Variants in MYO16 observed in about 807,000 individuals in gnomAD.
MYO16 encodes myosin XVI.
Under a neutral mutation model 205.3 loss-of-function variants are expected in MYO16, and 94 were observed. That is an observed-to-expected ratio of 0.46 (90% confidence interval 0.39 to 0.54). The LOEUF is 0.54. Among genes scored for constraint, MYO16 ranks in the 20% least tolerant of loss-of-function variants. MYO16 has a pLI of 0.00. For synonymous variants in MYO16, 988 were observed against 954.0 expected (o/e 1.04, Z -0.66); for missense variants, 2,315 against 2,387.5 (o/e 0.97, Z 0.63).
intron 16 of MYO16, among the ~76,000 whole-genome samples, chr13:108,938,561 T>C (rs916251693): frequency 6.6e-6 from 1 of 152,204 alleles, no homozygotes; most frequent in Non-Finnish European, 1.5e-5. Context: ...TGCAGAGAGA[T>C]GTGGGGGTGG....
At chr13:108,683,687 T>G (rs1882556276) in intron 2 of MYO16, among the ~76,000 whole-genome samples, 1 of 152,224 alleles carries the variant, frequency 6.6e-6, no homozygotes. Flanking sequence ...ATTACCTTCT[T>G]GTTCTAATAA....
At chr13:108,639,822 T>C (rs1880420939) in intron 1 of MYO16, among the ~76,000 whole-genome samples, 1 of 152,160 alleles carries the variant, frequency 6.6e-6, no homozygotes, top group Non-Finnish European at 1.5e-5. Flanking sequence ...ACTGGATGAA[T>C]TTGAAAAAGA....
At chr13:108,591,652 A>G (rs1878403652), upstream of MYO16, among the ~76,000 whole-genome samples, 3 of 152,182 alleles carry the variant, frequency 2.0e-5, no homozygotes, top group Admixed American at 2.0e-4. Flanking sequence ...AAAAAAAAGT[A>G]TTTGAAATGG....
rs375251733 is a variant in MYO16, at chr13:109,046,978, A to G, written c.2859A>G (p.Leu953=). Residue 953 remains leucine (L), a synonymous_variant, in exon 24 of 35, where the codon CTA becomes CTG. Transcript: ENST00000457511. ...AAGACTCCCTTTCACAGAATCTTCT[A>G]TTTGTAATGAAAAGTAAGTTGATTT... ...KNKDSLSQNL[L]FVMKTSENVV... 16 of 1,609,772 alleles carry G rather than the reference A, an allele frequency of 9.9e-6. 1 individual carries two copies. In the East Asian group the frequency reaches 2.2e-4, roughly 22 times the overall value.
Position 108,639,869 on chromosome 13 carries a change from C to T in MYO16, c.28+9997C>T, listed in dbSNP as rs75320216. Among the ~76,000 whole-genome samples the T allele has an allele frequency of 7.3e-3, 1,110 of 152,212 alleles. 39 individuals carry two copies. The highest frequency in any genetic ancestry group is 4.6e-3 in the East Asian group (24 of 5,168). The stretch of plus-strand genomic sequence containing the variant: ...GGACCTTAAGGCCTTGGGACGACTT[C>T]GGCATTGTGGAGTATACGATAAATG... On this transcript the variant is annotated intron_variant, in intron 1 of 34. Transcript: ENST00000457511.
At chr13:108,897,202 G>A (rs1160985014) in intron 14 of MYO16, among the ~76,000 whole-genome samples, 1 of 152,104 alleles carries the variant, frequency 6.6e-6, no homozygotes, top group Non-Finnish European at 1.5e-5. Flanking sequence ...AGATACCCTT[G>A]AACCCTCCAG....
intron 1 of MYO16, among the ~76,000 whole-genome samples, chr13:108,662,950 A>G (rs1196273299): frequency 1.3e-5 from 2 of 151,996 alleles, no homozygotes; most frequent in African/African-American, 4.8e-5. Flanking sequence ...CTACCCATGT[A>G]TTTTGCTCAG....
intron 14 of MYO16, among the ~76,000 whole-genome samples, chr13:108,895,218 A>G (rs772619125): frequency 3.3e-5 from 5 of 151,570 alleles, no homozygotes; most frequent in Admixed American, 6.6e-5. Flanking sequence ...ACAAAAAAAA[A>G]GTCAATAAAA....
chr13:108,788,013 G>A (rs1303066091), intron 5 of MYO16, among the ~76,000 whole-genome samples: 6 of 152,098 alleles, frequency 3.9e-5, no homozygotes, highest in Admixed American at 2.6e-4. Context: ...ATGGGCTGAT[G>A]TCTTTAGAAA....
intron 4 of MYO16, among the ~76,000 whole-genome samples, chr13:108,771,136 G>A (rs1387858137): frequency 6.6e-6 from 1 of 152,126 alleles, no homozygotes; most frequent in African/African-American, 2.4e-5. Flanking sequence ...AGTGGGGAGA[G>A]GTAGGGCGTA....
chr13:108,944,652 G>T (rs576734570), intron 16 of MYO16, among the ~76,000 whole-genome samples: 22 of 152,116 alleles, frequency 1.4e-4, no homozygotes, highest in Middle Eastern at 6.3e-3. Context: ...TAGTATGAGA[G>T]CGATTACTAA....
chr13:108,968,834 A>G (rs771350964), intron 20 of MYO16, among the ~76,000 whole-genome samples: 1 of 152,176 alleles, frequency 6.6e-6, no homozygotes, highest in Non-Finnish European at 1.5e-5. Context: ...AGCAGAGGCC[A>G]TGACGTGCTC....
the MYO16 span, among the ~76,000 whole-genome samples, chr13:108,525,808 G>A: frequency 3.3e-5 from 5 of 152,158 alleles, no homozygotes; most frequent in Non-Finnish European, 7.3e-5. Flanking sequence ...TGAATGTATT[G>A]CACTTAACTC....
chr13:108,845,243 A>G lies in MYO16; in HGVS notation c.1248+750A>G, dbSNP rs185186721. On this transcript the variant is annotated intron_variant, in intron 10 of 34. Transcript: ENST00000457511. Reference sequence around the variant, plus strand: ...AACTTTATTAATTTTTGTTATTTCAAGTAACTAAAGCAGATAAACAAAACA... The same window carrying G: ...AACTTTATTAATTTTTGTTATTTCAGGTAACTAAAGCAGATAAACAAAACA... 2.6e-5 allele frequency among the ~76,000 whole-genome samples: 4 copies of G among 152,306 alleles called. No homozygotes were observed. The South Asian group carries it at 8.3e-4, about 32-fold the overall frequency.
intron 27 of MYO16, among the ~76,000 whole-genome samples, chr13:109,097,953 TAAG>T (rs1888831135): frequency 7.7e-6 from 1 of 130,242 alleles, no homozygotes; most frequent in South Asian, 2.5e-4. Flanking sequence ...AGAAAGGAAA[TAAG>T]AAATGTCTTC....
At chr13:108,581,834 A>G in the MYO16 span, among the ~76,000 whole-genome samples, 3,977 of 150,448 alleles carry the variant, frequency 0.026, 171 homozygotes, top group African/African-American at 0.09. Context: ...AGCTGAGATC[A>G]TGCCGTTGCA....
At chr13:109,119,475 C>T (rs1053342276) in intron 28 of MYO16, among the ~76,000 whole-genome samples, 1 of 152,218 alleles carries the variant, frequency 6.6e-6, no homozygotes, top group African/African-American at 2.4e-5. Context: ...CCTGCAATTA[C>T]TTATGTCTGC....
the MYO16 span, among the ~76,000 whole-genome samples, chr13:108,539,151 TG>T: frequency 6.6e-6 from 1 of 152,138 alleles, no homozygotes; most frequent in Non-Finnish European, 1.5e-5. Context: ...GTCCTGTACC[TG>T]AGTTAAGAGG....
intron 2 of MYO16, among the ~76,000 whole-genome samples, chr13:108,690,476 A>G (rs996347913): frequency 1.3e-5 from 2 of 151,426 alleles, no homozygotes; most frequent in African/African-American, 4.9e-5. Context: ...CTGTCATGCT[A>G]TGGCCTTAAT....
Sources: gnomAD v4.1 joint callset for allele counts (sites outside exome capture counted in the v4.1 genomes callset) on GRCh38, gnomAD v4.1.1 for gene constraint, MANE v1.5 for transcripts, NCBI Gene and HGNC (gene_info 2026-07-23, HGNC 2026-07-21) for gene names.